The following CNBD1 variants were observed in gnomAD, a reference collection of about 807,000 sequenced individuals.
CNBD1 encodes the protein cyclic nucleotide binding domain containing 1.
In CNBD1, 71 loss-of-function variants were observed where a neutral mutation model predicts 54.4. The ratio of observed to expected loss-of-function variants is 1.30; its 90% CI spans 1.08 to 1.59. The LOEUF is 1.59. Ranked by LOEUF, CNBD1 falls within the 40% of genes most tolerant of loss-of-function variation. CNBD1 has a pLI of 0.00. For missense variants in CNBD1, 659 were observed against 518.0 expected (o/e 1.27, Z -2.64); for synonymous variants, 182 against 170.7 (o/e 1.07, Z -0.51).
rs1328555731 is a variant in CNBD1 at position 87,392,132 on chromosome 8, A to G, written c.214-36414A>G. On this transcript the variant is annotated intron_variant, in intron 2 of 7. Coordinates refer to the CNBD1 transcript ENST00000521593. ...AGATTTCATACCTACTATTTTGAAAAATTATAAAATATAGACAATAACAAG... is the reference window on the plus strand; with the variant it reads ...AGATTTCATACCTACTATTTTGAAAGATTATAAAATATAGACAATAACAAG... 3.3e-5 allele frequency among the ~76,000 whole-genome samples: 5 copies of G among 152,072 alleles called. No individual in the cohort carries two copies. In the East Asian group the frequency reaches 9.7e-4, roughly 29 times the overall value.
At chr8:87,020,097 C>G (rs1809451748) in intron 4 of CNBD1, among the ~76,000 whole-genome samples, 1 of 152,050 alleles carries the variant, frequency 6.6e-6, no homozygotes, top group South Asian at 2.1e-4. Context: ...CAAACCTTCA[C>G]TATCTTTATC....
At chr8:87,351,941 G>T in intron 9 of CNBD1, 147 bp downstream of exon 9, 3 of 782,366 alleles carry the variant, frequency 3.8e-6, no homozygotes, top group Non-Finnish European at 5.3e-6. Context: ...GTTTGTTTTT[G>T]GTTTAGTTAT....
chr8:87,360,674 C>G (rs1022911111), intron 10 of CNBD1, among the ~76,000 whole-genome samples: 20 of 151,820 alleles, frequency 1.3e-4, no homozygotes, highest in Non-Finnish European at 2.7e-4. Flanking sequence ...TTCTTTTTAT[C>G]TATAAAATGA....
Position 86,940,132 on chromosome 8 carries a change from C to CTTTTTTTTTTTTTTTTTTTT in CNBD1, c.431+397_431+398insTTTTTTTTTTTTTTTTTTTT, listed in dbSNP as rs10671983. Among the ~76,000 whole-genome samples, 21 of 88,730 alleles carry CTTTTTTTTTTTTTTTTTTTT rather than the reference C, an allele frequency of 2.4e-4. 4 individuals carry two copies. The highest frequency in any genetic ancestry group is 8.7e-4 in the African/African-American group (19 of 21,930). 58.2% of individuals were successfully genotyped at this position (88,730 alleles called of 152,430 possible). A position where few individuals can be genotyped will look rare whatever the true frequency, so the allele number is the denominator to read the frequency against. On this transcript the variant is annotated intron_variant, in intron 4 of 10. Coordinates refer to ENST00000518476, the MANE Select transcript of CNBD1 (RefSeq NM_173538.3). ...CTTTAAATAAACTTACCACATGTTA[C>CTTTTTTTTTTTTTTTTTTTT]TTTTTTTTTTTTTTTTTTTGAGACT...
chr8:87,379,832 A>C (rs1185461085), intron 10 of CNBD1, among the ~76,000 whole-genome samples: 1 of 152,022 alleles, frequency 6.6e-6, no homozygotes, highest in African/African-American at 2.4e-5. Context: ...AATTATAAAA[A>C]CACAGGTATA....
intron 4 of CNBD1, among the ~76,000 whole-genome samples, chr8:87,005,949 GAGA>G (rs1483218938): frequency 6.6e-6 from 1 of 152,144 alleles, no homozygotes; most frequent in Non-Finnish European, 1.5e-5. Flanking sequence ...AAGAGGCTGG[GAGA>G]AGATTTGTAT....
intron 3 of CNBD1, chr8:87,428,652 C>T (rs1475523449): frequency 2.3e-6 from 1 of 443,884 alleles, no homozygotes; most frequent in Admixed American, 2.5e-5. Flanking sequence ...TGTCACTCTT[C>T]ATAGTAATTA....
At chr8:86,888,979 C>T (rs1035997519) in intron 2 of CNBD1, among the ~76,000 whole-genome samples, 1 of 152,038 alleles carries the variant, frequency 6.6e-6, no homozygotes, top group Non-Finnish European at 1.5e-5. Flanking sequence ...TGAATCATTC[C>T]TCTTGGGTGG....
intron 1 of CNBD1, among the ~76,000 whole-genome samples, chr8:86,880,296 C>T (rs1808587264): frequency 6.6e-6 from 1 of 151,594 alleles, no homozygotes; most frequent in African/African-American, 2.4e-5. Flanking sequence ...TGAGGTTTCC[C>T]TGTGCAGACT....
intron 8 of CNBD1, among the ~76,000 whole-genome samples, chr8:87,346,196 C>T (rs1156431678): frequency 6.6e-6 from 1 of 151,990 alleles, no homozygotes; most frequent in Non-Finnish European, 1.5e-5. Flanking sequence ...CATGCGCCAC[C>T]ACGCTCAGCT....
At position 87,206,054 on chromosome 8, in the gene CNBD1, G is replaced by A. The variant is rs1007885520; in HGVS notation, c.493G>A (p.Asp165Asn). ...TVWKFLKTIPDLTFQLNDKHL... is the reference protein window; with the variant it reads ...TVWKFLKTIPNLTFQLNDKHL... Reference sequence around the variant, plus strand: ...GTGGAAGTTCCTGAAAACAATTCCAGATTTAACCTTTCAGCTAAATGATAA... The same window carrying A: ...GTGGAAGTTCCTGAAAACAATTCCAAATTTAACCTTTCAGCTAAATGATAA... Residue 165 changes from aspartate to asparagine, a missense_variant, in exon 5 of 11, where the codon GAT (aspartate) becomes AAT (asparagine). Asp to Asn is a conservative substitution (Grantham distance 23, BLOSUM62 1). Transcript: ENST00000518476. 2 of 1,603,378 alleles carry A rather than the reference G, an allele frequency of 1.2e-6. No individual in the cohort carries two copies. Among genetic ancestry groups the A allele is most frequent in the South Asian group, 2.2e-5 (2 of 89,938 alleles).
chr8:87,235,287 C>A lies in CNBD1; in HGVS notation c.578-1632C>A, dbSNP rs181310278. Among the ~76,000 whole-genome samples the A allele has an allele frequency of 3.3e-3, 495 of 152,244 alleles. 1 individual carries two copies. Among genetic ancestry groups the A allele is most frequent in the Non-Finnish European group, 5.1e-3 (349 of 67,998 alleles). On this transcript the variant is annotated intron_variant, in intron 5 of 10. Transcript: ENST00000518476. Reference sequence around the variant, plus strand: ...TTTTAAATTTCTACAAGAACTGTTCCTTTGCATTCACAACTTGGCTTACTA... The same window carrying A: ...TTTTAAATTTCTACAAGAACTGTTCATTTGCATTCACAACTTGGCTTACTA...
chr8:87,180,960 G>T (rs1343539629), intron 4 of CNBD1, among the ~76,000 whole-genome samples: 1 of 152,158 alleles, frequency 6.6e-6, no homozygotes, highest in Non-Finnish European at 1.5e-5. Context: ...CACCATCTCT[G>T]CTGCAGCTGC....
intron 4 of CNBD1, among the ~76,000 whole-genome samples, chr8:87,067,282 T>C (rs1810674115): frequency 6.6e-6 from 1 of 151,958 alleles, no homozygotes; most frequent in African/African-American, 2.4e-5. Context: ...GGAGAAAGAA[T>C]ACAAAGATAA....
chr8:87,299,069 C>A (rs1339075233), intron 8 of CNBD1, among the ~76,000 whole-genome samples: 2 of 152,078 alleles, frequency 1.3e-5, no homozygotes, highest in Non-Finnish European at 2.9e-5. Context: ...TATGAAATTT[C>A]TTCAAGAGGT....
chr8:87,380,241 C>G (rs79357358), intron 10 of CNBD1, among the ~76,000 whole-genome samples: 2,856 of 151,854 alleles, frequency 0.019, 90 homozygotes, highest in African/African-American at 0.062. Flanking sequence ...AGCTTCTCTA[C>G]CTAAATAGTA....
intron 10 of CNBD1, among the ~76,000 whole-genome samples, chr8:87,356,788 C>T (rs1008159708): frequency 3.9e-5 from 6 of 152,158 alleles, no homozygotes; most frequent in African/African-American, 9.7e-5. Context: ...AAAAGGGAGA[C>T]AAGTGCCAAT....
chr8:86,905,186 G>A lies in CNBD1; in HGVS notation c.264G>A (p.Glu88=), dbSNP rs1475044414. 5 of 1,585,528 alleles carry A rather than the reference G, an allele frequency of 3.2e-6. No homozygotes were observed. The East Asian group carries it at 6.7e-5, about 21-fold the overall frequency. ...GACTTCCTAAACTTTTCAAACAGGAGGAACAAAGGTAATGATACCTTCTTT... is the reference window on the plus strand; with the variant it reads ...GACTTCCTAAACTTTTCAAACAGGAAGAACAAAGGTAATGATACCTTCTTT... ...KPRLPKLFKQ[E]EQRELNEGKE... is the part of the protein sequence containing the mutation. The change falls in exon 3 of 11, where the codon GAG becomes GAA. Residue 88 remains glutamate (E), a synonymous_variant. Transcript: ENST00000518476.
At chr8:87,118,484 TGA>T (rs1294631715) in intron 4 of CNBD1, among the ~76,000 whole-genome samples, 2 of 152,058 alleles carry the variant, frequency 1.3e-5, no homozygotes, top group Non-Finnish European at 2.9e-5. Context: ...TGCTGATAAC[TGA>T]GAAATTAATC....
Sources: allele counts gnomAD v4.1 joint callset (sites outside exome capture counted in the v4.1 genomes callset), GRCh38; gene constraint gnomAD v4.1.1; transcripts MANE v1.5; gene names NCBI Gene and HGNC (gene_info 2026-07-23, HGNC 2026-07-21).